Variants in ACP6 observed in about 807,000 individuals in gnomAD.
ACP6 encodes acid phosphatase 6, lysophosphatidic.
Under a neutral mutation model 48.1 loss-of-function variants are expected in ACP6, and 48 were observed. The observed-to-expected ratio is 1.00, with a 90% CI of 0.79 to 1.27. The LOEUF is 1.27. Among genes scored for constraint, ACP6 ranks in the 50% most tolerant of loss-of-function variants. The pLI is 0.00. For missense variants in ACP6, 485 were observed against 529.1 expected, an observed-to-expected ratio of 0.92 and a Z score of 0.82; for synonymous variants, 172 against 204.2, an observed-to-expected ratio of 0.84 and a Z score of 1.34.
chr1:147,658,343 A>C (rs1338546158), intron 4 of ACP6, among the ~76,000 whole-genome samples: 1 of 152,230 alleles, frequency 6.6e-6, no homozygotes, highest in African/African-American at 2.4e-5. Context: ...CCAGTAATTA[A>C]ATGTAAATTT....
intron 1 of ACP6, 71 bp from the exon 2 acceptor site, chr1:147,659,846 A>G (rs1486906051): frequency 3.2e-5 from 50 of 1,556,784 alleles, no homozygotes; most frequent in Non-Finnish European, 4.2e-5. Flanking sequence ...TAACATCTCA[A>G]GCACTCAGAA....
intron 5 of ACP6, among the ~76,000 whole-genome samples, chr1:147,634,025 C>A (rs1659237348): frequency 6.6e-6 from 1 of 152,158 alleles, no homozygotes; most frequent in Non-Finnish European, 1.5e-5. Flanking sequence ...AAACAATAAC[C>A]CCATTTCTCC....
At chr1:147,633,837 T>C (rs373637687) in intron 5 of ACP6, among the ~76,000 whole-genome samples, 21 of 149,448 alleles carry the variant, frequency 1.4e-4, no homozygotes, top group African/African-American at 4.3e-4. Context: ...AGGTGCTTTT[T>C]TCACCCATTT....
chr1:147,670,114 G>A lies in ACP6; in HGVS notation c.-66C>T. On this transcript the variant is annotated 5_prime_UTR_variant, in exon 1 of 10. Coordinates refer to ENST00000583509, the MANE Select transcript of ACP6 (RefSeq NM_016361.5). ...AGGCAAACACAAGTCTTCTGCGGGC[G>A]CCGGGGCTCAGCGGGCGCCCCCAAG... 1.4e-6 allele frequency: 2 copies of A among 1,402,562 alleles called. No homozygotes were observed. Among genetic ancestry groups the A allele is most frequent in the Non-Finnish European group, 1.9e-6 (2 of 1,068,282 alleles). The allele number at this position is 1,402,562 out of a possible 1,614,324, so 86.9% of individuals were successfully genotyped here. A position where few individuals can be genotyped will look rare whatever the true frequency, so the allele number is the denominator to read the frequency against.
At position 147,647,191 on chromosome 1, in the gene ACP6, T is replaced by C. The variant is rs1443101712; in HGVS notation, c.*232A>G. The C allele has an allele frequency of 7.9e-6, 4 of 505,230 alleles. No homozygotes were observed. The highest frequency in any genetic ancestry group is 4.7e-5 in the South Asian group (2 of 42,460). The allele number at this position is 505,230 out of a possible 1,614,324, so 31.3% of individuals were successfully genotyped here. Reference sequence around the variant, plus strand: ...CCCAGCCCGTGTCACACAAAGATGCTTCTAACCTTAGAAACCAACTCACAA... The same window carrying C: ...CCCAGCCCGTGTCACACAAAGATGCCTCTAACCTTAGAAACCAACTCACAA... On this transcript the variant is annotated 3_prime_UTR_variant, in exon 10 of 10. Coordinates refer to ENST00000583509, the MANE Select transcript of ACP6 (RefSeq NM_016361.5).
intron 1 of ACP6, 75 bp downstream of exon 1, chr1:147,669,755 T>C: frequency 7.1e-7 from 1 of 1,411,524 alleles, no homozygotes. Context: ...GCTCTGAAGA[T>C]GTGTGTCAGG....
downstream of ACP6, among the ~76,000 whole-genome samples, chr1:147,640,026 T>A (rs587647586): frequency 6.6e-6 from 1 of 152,228 alleles, no homozygotes; most frequent in South Asian, 2.1e-4. Context: ...TGGCTTACAG[T>A]AAGCTGCTGG....
At chr1:147,667,930 C>A (rs1660883621) in intron 1 of ACP6, among the ~76,000 whole-genome samples, 1 of 151,560 alleles carries the variant, frequency 6.6e-6, no homozygotes, top group Non-Finnish European at 1.5e-5. Flanking sequence ...GCGGAGGTTG[C>A]GGTGAGCCGA....
At chr1:147,637,557 C>T (rs1659329347), downstream of ACP6, among the ~76,000 whole-genome samples, 1 of 152,180 alleles carries the variant, frequency 6.6e-6, no homozygotes, top group African/African-American at 2.4e-5. Context: ...GAGAACAGTT[C>T]CCTGGCTGTG....
intron 4 of ACP6, among the ~76,000 whole-genome samples, chr1:147,655,952 C>A (rs1553211551): frequency 2.0e-5 from 3 of 152,164 alleles, no homozygotes; most frequent in Non-Finnish European, 4.4e-5. Context: ...CAAGTGCCAT[C>A]TCTGTGTGGT....
At chr1:147,633,220 CTTCT>C (rs1659215438) in intron 5 of ACP6, among the ~76,000 whole-genome samples, 1 of 152,176 alleles carries the variant, frequency 6.6e-6, no homozygotes, top group East Asian at 1.9e-4. Flanking sequence ...AAGAGCAGTC[CTTCT>C]TTCTCATCCC....
chr1:147,648,487 G>T, intron 8 of ACP6, 76 bp from the exon 9 acceptor site: 2 of 1,535,588 alleles, frequency 1.3e-6, no homozygotes, highest in Non-Finnish European at 1.8e-6. Flanking sequence ...CCTCCTTTAC[G>T]TAAGACACAC....
At chr1:147,650,313 A>G (rs1412847692) in intron 7 of ACP6, 75 bp from the exon 8 acceptor site, 6 of 1,082,138 alleles carry the variant, frequency 5.5e-6, no homozygotes, top group African/African-American at 1.6e-5. Flanking sequence ...TTCTGCCCCC[A>G]GGACCTCATG....
chr1:147,661,216 G>A (rs587615529), intron 1 of ACP6, among the ~76,000 whole-genome samples: 16 of 152,110 alleles, frequency 1.1e-4, no homozygotes, highest in African/African-American at 2.9e-4. Flanking sequence ...TCACTGAAAC[G>A]TCTGCCTCCT....
intron 6 of ACP6, 115 bp from the exon 7 acceptor site, chr1:147,652,664 A>AT: frequency 6.2e-7 from 1 of 1,602,188 alleles, no homozygotes; most frequent in Non-Finnish European, 8.5e-7. Context: ...AAGAGAAGAC[A>AT]GGCTCAAGAA....
chr1:147,666,209 A>G (rs1401675327), intron 1 of ACP6, among the ~76,000 whole-genome samples: 1 of 152,242 alleles, frequency 6.6e-6, no homozygotes, highest in African/African-American at 2.4e-5. Flanking sequence ...AAGCAAGCCA[A>G]TTGTTCAGGA....
At chr1:147,651,531 A>C (rs1233917574) in intron 7 of ACP6, 2 of 152,078 alleles carry the variant, frequency 1.3e-5, no homozygotes, top group African/African-American at 4.8e-5. Flanking sequence ...AGAGGGAAGT[A>C]AGTAACAATT....
At position 147,642,838 on chromosome 1, in the gene ACP6, G is replaced by A. The variant is rs1421361596; in HGVS notation, c.*4585C>T. 5 of 152,142 alleles carry A rather than the reference G, an allele frequency of 3.3e-5. No homozygotes were observed. Among genetic ancestry groups the A allele is most frequent in the South Asian group, 2.1e-4 (1 of 4,834 alleles). The allele number at this position is 152,142 out of a possible 1,614,324, so 9.4% of individuals were successfully genotyped here. On this transcript the variant is annotated 3_prime_UTR_variant, in exon 10 of 10. Transcript: ENST00000583509. ...CCGGCACTGATAAATATCACAGGGC[G>A]GGGGAAAGACAAGACAAGTGTATTC...
chr1:147,652,255 C>T (rs1463032823), intron 7 of ACP6, 194 bp downstream of exon 7: 1 of 536,982 alleles, frequency 1.9e-6, no homozygotes, highest in African/African-American at 1.9e-5. Context: ...GGAACAGAAG[C>T]ACTAGGCCAC....
Sources: gnomAD v4.1 joint callset for allele counts (sites outside exome capture counted in the v4.1 genomes callset) on GRCh38, gnomAD v4.1.1 for gene constraint, MANE v1.5 for transcripts, NCBI Gene and HGNC (gene_info 2026-07-23, HGNC 2026-07-21) for gene names.